The following GLIS3 variants were observed in gnomAD, a reference collection of about 807,000 sequenced individuals.
GLIS3 encodes zinc finger protein GLIS3.
In GLIS3, 53 loss-of-function variants were observed where a neutral mutation model predicts 78.6. The observed-to-expected ratio is 0.67, with a 90% CI of 0.54 to 0.85. The LOEUF (loss-of-function observed/expected upper bound fraction) is 0.85, where lower values mean the gene tolerates loss of function less well. Ranked by LOEUF, GLIS3 falls within the 40% of genes least tolerant of loss-of-function variation. GLIS3 has a pLI of 0.00. For synonymous variants in GLIS3, 684 were observed against 509.9 expected (o/e 1.34, Z -4.60); for missense variants, 1,703 against 1,231.1 (o/e 1.38, Z -5.74).
chr9:3,909,892 T>G (rs1435028580), intron 6 of GLIS3, among the ~76,000 whole-genome samples: 1 of 152,176 alleles, frequency 6.6e-6, no homozygotes, highest in East Asian at 1.9e-4. Context: ...TAATGAGCAT[T>G]TGAAGTGTGG....
At chr9:4,172,851 C>A (rs529598312) in intron 2 of GLIS3, among the ~76,000 whole-genome samples, 2 of 152,182 alleles carry the variant, frequency 1.3e-5, no homozygotes, top group South Asian at 4.1e-4. Flanking sequence ...AAATGCTCTC[C>A]AAGGCCAGGC....
In GLIS3 at chr9:4,286,232, C is replaced by G; in HGVS notation, c.194G>C (p.Gly65Ala). 1 of 1,614,200 alleles carries G rather than the reference C, an allele frequency of 6.2e-7. No individual in the cohort carries two copies. Among genetic ancestry groups the G allele is most frequent in the Non-Finnish European group, 8.5e-7 (1 of 1,180,032 alleles). The change falls in exon 2 of 11, where the codon GGA becomes GCA. Residue 65 changes from glycine to alanine, a missense_variant. Coordinates refer to ENST00000381971, the MANE Select transcript of GLIS3 (RefSeq NM_001042413.2). ...GTTGTTCTGAGGAGCCATCCCTCCT[C>G]CTGAGGGCATCTTGAGATGGAGGTT... The part of the protein sequence containing the change: ...ANNLHLKMPS[G>A]GGMAPQNNVA...
chr9:4,253,922 C>G (rs1824657776), intron 2 of GLIS3, among the ~76,000 whole-genome samples: 1 of 152,200 alleles, frequency 6.6e-6, no homozygotes, highest in Non-Finnish European at 1.5e-5. Context: ...TCAACTCTCC[C>G]TCCATGGGCT....
intron 1 of GLIS3, among the ~76,000 whole-genome samples, chr9:4,294,417 G>A (rs181644952): frequency 2.0e-5 from 3 of 152,024 alleles, no homozygotes; most frequent in Middle Eastern, 6.3e-3. Context: ...GCTGAGGCAG[G>A]AGAATCACTT....
At chr9:4,316,921 G>C (rs887693663) in intron 2 of GLIS3, among the ~76,000 whole-genome samples, 2 of 151,694 alleles carry the variant, frequency 1.3e-5, no homozygotes, top group African/African-American at 4.9e-5. Flanking sequence ...CTTAACTCTT[G>C]TTTATATCCA....
intron 4 of GLIS3, among the ~76,000 whole-genome samples, chr9:4,079,036 G>C (rs1484986419): frequency 6.6e-6 from 1 of 152,084 alleles, no homozygotes; most frequent in Non-Finnish European, 1.5e-5. Flanking sequence ...ACTCTTCCAA[G>C]GTAAAACAGC....
At chr9:4,440,376 T>A in the GLIS3 span, among the ~76,000 whole-genome samples, 3 of 152,168 alleles carry the variant, frequency 2.0e-5, no homozygotes. Context: ...TATATAAGGG[T>A]CTAGTTCCCT....
rs1279752851 is a variant in GLIS3 at position 4,330,139 on chromosome 9, T to G, written n.264+16942A>C. 2.0e-5 allele frequency among the ~76,000 whole-genome samples: 3 copies of G among 152,136 alleles called. No individual in the cohort carries two copies. The East Asian group carries it at 5.8e-4, about 29-fold the overall frequency. On this transcript the variant is annotated intron_variant and non_coding_transcript_variant, in intron 2 of 4. Transcript: ENST00000471664. ...TCAGTGTAGACTCCCAAAACCCACA[T>G]CAGAAATAATGGTTTTGAAAGCCAA...
At chr9:4,134,679 T>C (rs1324525780) in intron 2 of GLIS3, among the ~76,000 whole-genome samples, 4 of 152,184 alleles carry the variant, frequency 2.6e-5, no homozygotes, top group Non-Finnish European at 2.9e-5. Context: ...AATTGAGCCA[T>C]AATGGGGAGA....
intron 2 of GLIS3, among the ~76,000 whole-genome samples, chr9:4,146,725 C>G (rs1215265920): frequency 1.3e-5 from 2 of 152,162 alleles, no homozygotes; most frequent in African/African-American, 4.8e-5. Flanking sequence ...TCTCAAACGC[C>G]TATTCTCCAT....
At chr9:4,403,306 C>T in the GLIS3 span, among the ~76,000 whole-genome samples, 2 of 152,124 alleles carry the variant, frequency 1.3e-5, no homozygotes, top group Non-Finnish European at 1.5e-5. Context: ...ACACAAAATG[C>T]TAAAGGGAGT....
At chr9:4,146,524 C>A (rs1489219957) in intron 2 of GLIS3, among the ~76,000 whole-genome samples, 1 of 152,204 alleles carries the variant, frequency 6.6e-6, no homozygotes, top group African/African-American at 2.4e-5. Flanking sequence ...TCATCTCTGA[C>A]ATGCAACACT....
chr9:4,041,645 A>T (rs377634137), intron 4 of GLIS3, among the ~76,000 whole-genome samples: 23 of 152,184 alleles, frequency 1.5e-4, no homozygotes, highest in African/African-American at 5.1e-4. Context: ...CAAAGTAACA[A>T]ATGTAAGATG....
At chr9:4,239,747 A>G (rs1196156819) in intron 2 of GLIS3, among the ~76,000 whole-genome samples, 1 of 152,272 alleles carries the variant, frequency 6.6e-6, no homozygotes, top group Non-Finnish European at 1.5e-5. Flanking sequence ...TTCATTTAAA[A>G]AGACCAACAG....
Position 4,082,352 on chromosome 9 carries a change from C to T in GLIS3, c.1710+35416G>A, listed in dbSNP as rs556655002. On this transcript the variant is annotated intron_variant, in intron 4 of 10. Transcript: ENST00000381971. ...ACTTCCAGTTCAAAAGAAGATAGAA[C>T]GAAGGAAAGGGAAATAAAATGAGAA... 4.6e-5 allele frequency among the ~76,000 whole-genome samples: 7 copies of T among 152,060 alleles called. 1 individual carries two copies. In the South Asian group the frequency reaches 8.3e-4, roughly 18 times the overall value.
the GLIS3 span, among the ~76,000 whole-genome samples, chr9:4,411,255 T>C: frequency 6.6e-6 from 1 of 152,186 alleles, no homozygotes; most frequent in Non-Finnish European, 1.5e-5. Context: ...CAATGTGTTA[T>C]AATGACTTCT....
chr9:3,879,409 A>G lies in GLIS3; in HGVS notation c.2297+18T>C, dbSNP rs371958076. The G allele has an allele frequency of 6.2e-7, 1 of 1,613,222 alleles. No homozygotes were observed. The highest frequency in any genetic ancestry group is 8.5e-7 in the Non-Finnish European group (1 of 1,179,574). ...TTGGCGGCGACACCTATTAGGAGAG[A>G]GAGACAGATGGCCTTACCTCTCAGC... is the stretch of plus-strand genomic sequence containing the variant. On this transcript the variant is annotated intron_variant, in intron 8 of 10. Transcript: ENST00000381971.
intron 4 of GLIS3, among the ~76,000 whole-genome samples, chr9:4,057,243 G>T (rs1402539525): frequency 6.6e-6 from 1 of 152,004 alleles, no homozygotes; most frequent in East Asian, 1.9e-4. Flanking sequence ...TCCACACTAT[G>T]TTTAATACTC....
At chr9:3,968,693 A>C (rs1366091329) in intron 4 of GLIS3, among the ~76,000 whole-genome samples, 1 of 152,198 alleles carries the variant, frequency 6.6e-6, no homozygotes, top group Middle Eastern at 3.2e-3. Flanking sequence ...AGGAAACTAC[A>C]TAAATGATAG....
Sources: gnomAD v4.1 joint callset for allele counts (sites outside exome capture counted in the v4.1 genomes callset) on GRCh38, gnomAD v4.1.1 for gene constraint, MANE v1.5 for transcripts, NCBI Gene and HGNC (gene_info 2026-07-23, HGNC 2026-07-21) for gene names.